Variants in RBL2 observed in about 807,000 individuals in gnomAD.
RBL2 encodes RB transcriptional corepressor like 2, also known as retinoblastoma-like protein 2.
A neutral mutation model predicts 126.0 loss-of-function variants in RBL2; 56 were observed. That is an observed-to-expected ratio of 0.44 (90% CI 0.36 to 0.56). RBL2 has a LOEUF of 0.56. RBL2 is among the 20% of genes least tolerant of loss of function. The pLI is 0.00. For missense variants in RBL2, 1,229 were observed against 1,398.2 expected, an observed-to-expected ratio of 0.88 and a Z score of 1.93; for synonymous variants, 454 against 478.5, an observed-to-expected ratio of 0.95 and a Z score of 0.67.
Position 53,470,964 on chromosome 16 carries a change from A to G in RBL2, c.2703+42A>G, listed in dbSNP as rs1181003694. Reference sequence around the variant, plus strand: ...ATTGTAAAGGCAAAGATAGGTCTTCATTACTGAGAACATTTTTTAACCACT... The same window carrying G: ...ATTGTAAAGGCAAAGATAGGTCTTCGTTACTGAGAACATTTTTTAACCACT... On this transcript the variant is annotated intron_variant, in intron 17 of 21. Transcript: ENST00000262133. 3 of 1,544,194 alleles carry G rather than the reference A, an allele frequency of 1.9e-6. No homozygotes were observed. The African/African-American group carries it at 4.2e-5, about 21-fold the overall frequency.
At position 53,437,041 on chromosome 16, in the gene RBL2, CT is replaced by C. The variant is rs201571725; in HGVS notation, c.241-1974del. 3.9e-3 allele frequency among the ~76,000 whole-genome samples: 594 copies of C among 151,090 alleles called. 9 individuals carry two copies. Among genetic ancestry groups the C allele is most frequent in the African/African-American group, 0.014 (560 of 40,850 alleles). ...TAGGAACGATATAGTTGTAAACTTT[CT>C]ATTTTTTTTCTTTTTTTTTTTCTCC... On this transcript the variant is annotated intron_variant, in intron 1 of 21. Coordinates refer to ENST00000262133, the MANE Select transcript of RBL2 (RefSeq NM_005611.4).
At chr16:53,469,439 G>A (rs893315036) in intron 14 of RBL2, among the ~76,000 whole-genome samples, 3 of 152,122 alleles carry the variant, frequency 2.0e-5, no homozygotes, top group South Asian at 2.1e-4. Flanking sequence ...TGATAAAACC[G>A]GTGGCGGAAT....
intron 4 of RBL2, among the ~76,000 whole-genome samples, chr16:53,447,905 A>T (rs1453006267): frequency 6.6e-6 from 1 of 152,148 alleles, no homozygotes; most frequent in Non-Finnish European, 1.5e-5. Flanking sequence ...CTGGCCTCCC[A>T]CAGTGCTGGG....
intron 11 of RBL2, among the ~76,000 whole-genome samples, chr16:53,464,009 G>A (rs1443257935): frequency 6.6e-6 from 1 of 152,034 alleles, no homozygotes; most frequent in Non-Finnish European, 1.5e-5. Context: ...AATAGGTAAG[G>A]TTTTAAAATT....
intron 13 of RBL2, chr16:53,466,234 A>C (rs903999895): frequency 2.0e-5 from 3 of 152,146 alleles, no homozygotes; most frequent in African/African-American, 7.2e-5. Flanking sequence ...CAGAGTAAAA[A>C]TTCAGTGTTC....
intron 3 of RBL2, among the ~76,000 whole-genome samples, chr16:53,446,699 A>G (rs896740636): frequency 6.6e-6 from 1 of 152,248 alleles, no homozygotes; most frequent in African/African-American, 2.4e-5. Context: ...ATAAGGACAT[A>G]TCTGACTGCA....
intron 18 of RBL2, 98 bp from the exon 19 acceptor site, chr16:53,479,788 G>A (rs372593151): frequency 1.4e-5 from 10 of 731,056 alleles, no homozygotes; most frequent in African/African-American, 7.1e-5. Context: ...TGCTATACAG[G>A]TTATTGTGAA....
intron 18 of RBL2, 132 bp downstream of exon 18, chr16:53,479,357 T>C (rs1960855476): frequency 1.9e-5 from 13 of 690,394 alleles, no homozygotes; most frequent in Admixed American, 3.0e-5. Context: ...GGGAAGTTTC[T>C]ACTTTAATCT....
rs749564236 is a variant in RBL2, at chr16:53,481,853, C to T, written c.3249+18C>T. 7 of 1,559,036 alleles carry T rather than the reference C, an allele frequency of 4.5e-6. No homozygotes were observed. In the South Asian group the frequency reaches 5.6e-5, roughly 12 times the overall value. ...CTTCAAAGGTGAGCCTAACATCAAT[C>T]TTGGCCTTTACTAACCTCAAAATGC... is the stretch of plus-strand genomic sequence containing the variant. On this transcript the variant is annotated intron_variant, in intron 21 of 21. Coordinates refer to ENST00000262133, the MANE Select transcript of RBL2 (RefSeq NM_005611.4).
intron 10 of RBL2, 77 bp downstream of exon 10, chr16:53,461,927 G>T: frequency 7.8e-7 from 1 of 1,285,476 alleles, no homozygotes. Flanking sequence ...AACTAAGAAA[G>T]ATGAGGAAAA....
rs1489737410 is a variant in RBL2 at position 53,491,085 on chromosome 16, GT to G, written c.*787del. 1 of 152,484 alleles carries G rather than the reference GT, an allele frequency of 6.6e-6. No homozygotes were observed. Among genetic ancestry groups the G allele is most frequent in the Non-Finnish European group, 1.5e-5 (1 of 68,004 alleles). The allele number at this position is 152,484 out of a possible 1,614,324, so 9.4% of individuals were successfully genotyped here. A position where few individuals can be genotyped will look rare whatever the true frequency, so the allele number is the denominator to read the frequency against. On this transcript the variant is annotated 3_prime_UTR_variant, in exon 22 of 22. Coordinates refer to ENST00000262133, the MANE Select transcript of RBL2 (RefSeq NM_005611.4). ...TAATGCTTTTATATTTTTTTAAAAT[GT>G]TAAAACCCCTATAGCCACCTTTTGG...
At chr16:53,438,078 A>G (rs2057976587) in intron 1 of RBL2, among the ~76,000 whole-genome samples, 2 of 152,182 alleles carry the variant, frequency 1.3e-5, no homozygotes, top group Non-Finnish European at 2.9e-5. Flanking sequence ...TTGCATTACT[A>G]TGGCTATATA....
intron 20 of RBL2, 83 bp downstream of exon 20, chr16:53,480,852 C>A: frequency 7.4e-7 from 1 of 1,360,294 alleles, no homozygotes. Flanking sequence ...GGACCATTCA[C>A]CTGGTCCGTA....
At chr16:53,437,376 A>G (rs1567723883) in intron 1 of RBL2, among the ~76,000 whole-genome samples, 1 of 149,780 alleles carries the variant, frequency 6.7e-6, no homozygotes, top group African/African-American at 2.5e-5. Flanking sequence ...AAGACAGTCT[A>G]TGTGTAAATG....
chr16:53,453,562 A>G lies in RBL2; in HGVS notation c.877A>G (p.Ile293Val). 1.2e-6 allele frequency: 2 copies of G among 1,613,576 alleles called. No individual in the cohort carries two copies. The highest frequency in any genetic ancestry group is 1.7e-6 in the Non-Finnish European group (2 of 1,179,678). Residue 293 changes from isoleucine (I) to valine (V), a missense_variant, in exon 6 of 22, where the codon ATA becomes GTA. Ile to Val is a conservative substitution (Grantham distance 29). Transcript: ENST00000262133. ...TGGCCTAGTTTTGGAAGCAAAGGGG[A>G]TAAAGGAACATTTCTGGAAACCCTA... ...HDGLVLEAKGIKEHFWKPYIR... is the reference protein window; with the variant it reads ...HDGLVLEAKGVKEHFWKPYIR...
intron 7 of RBL2, chr16:53,454,447 C>T (rs865796106): frequency 2.4e-5 from 12 of 496,966 alleles, no homozygotes; most frequent in Admixed American, 1.0e-4. Flanking sequence ...TCGTGATCCA[C>T]CTGCCTCAGC....
At position 53,459,463 on chromosome 16, in the gene RBL2, A is replaced by G. The variant is rs2058198659; in HGVS notation, c.1192A>G (p.Arg398Gly). The G allele has an allele frequency of 6.2e-7, 1 of 1,612,400 alleles. No homozygotes were observed. Among genetic ancestry groups the G allele is most frequent in the Admixed American group, 1.7e-5 (1 of 59,772 alleles). The change falls in exon 9 of 22, where the codon AGA becomes GGA. Residue 398 changes from arginine (R) to glycine (G), a missense_variant. Coordinates refer to ENST00000262133, the MANE Select transcript of RBL2 (RefSeq NM_005611.4). ...TTTTTTTCTTTAGTCCAAAGCACTT[A>G]GAATCTCCACACCACTAACTGGTGT... ...QQHFDKSKAL[R>G]ISTPLTGVRY...
chr16:53,486,125 G>GA (rs59433365), intron 21 of RBL2, among the ~76,000 whole-genome samples: 3,316 of 92,102 alleles, frequency 0.036, 88 homozygotes, highest in Middle Eastern at 0.079. Context: ...CCTTGTCTCT[G>GA]AAAAAAAAAA....
chr16:53,451,977 T>TA, intron 5 of RBL2, 146 bp downstream of exon 5: 8 of 894,198 alleles, frequency 8.9e-6, no homozygotes, highest in Non-Finnish European at 1.3e-5. Flanking sequence ...AGAGTCAAGC[T>TA]GCCTGTAAAA....
Sources: allele counts gnomAD v4.1 joint callset (sites outside exome capture counted in the v4.1 genomes callset), GRCh38; gene constraint gnomAD v4.1.1; transcripts MANE v1.5; gene names NCBI Gene and HGNC (gene_info 2026-07-23, HGNC 2026-07-21).